GREB1L: variants seen among roughly 807,000 people sequenced by gnomAD.
GREB1L encodes GREB1-like protein.
Under a neutral mutation model 200.8 loss-of-function variants are expected in GREB1L, and 17 were observed. That is an observed-to-expected ratio of 0.08 (90% CI 0.06 to 0.13). The LOEUF is 0.13. Among genes scored for constraint, GREB1L ranks in the 10% least tolerant of loss-of-function variants. The probability of loss-of-function intolerance (pLI) is 1.00; values close to 1 mark genes in which losing one functional copy is unlikely to be tolerated. For missense variants in GREB1L, 1,657 were observed against 2,367.7 expected (o/e 0.70, Z 6.23); for synonymous variants, 789 against 893.0 (o/e 0.88, Z 2.08).
intron 1 of GREB1L, among the ~76,000 whole-genome samples, chr18:21,334,610 C>T (rs2039156883): frequency 6.6e-6 from 1 of 151,882 alleles, no homozygotes; most frequent in South Asian, 2.1e-4. Flanking sequence ...CTAAAACAAA[C>T]AACAACAAAA....
At chr18:21,270,757 G>A (rs1398380256) in intron 1 of GREB1L, among the ~76,000 whole-genome samples, 1 of 152,192 alleles carries the variant, frequency 6.6e-6, no homozygotes, top group Non-Finnish European at 1.5e-5. Flanking sequence ...CGCATAGTCA[G>A]CAAGGACTTT....
At chr18:21,488,220 C>T (rs1480161806) in intron 18 of GREB1L, among the ~76,000 whole-genome samples, 8 of 151,922 alleles carry the variant, frequency 5.3e-5, no homozygotes, top group African/African-American at 1.5e-4. Flanking sequence ...TGCTTGAACC[C>T]GGGAAGCGAA....
At chr18:21,424,713 TA>T (rs1407750079) in intron 7 of GREB1L, among the ~76,000 whole-genome samples, 1 of 152,232 alleles carries the variant, frequency 6.6e-6, no homozygotes, top group East Asian at 1.9e-4. Flanking sequence ...TCAGTGTTTT[TA>T]AGTATTATAT....
chr18:21,287,828 C>T (rs1310147461), intron 1 of GREB1L, among the ~76,000 whole-genome samples: 5 of 143,440 alleles, frequency 3.5e-5, no homozygotes, highest in African/African-American at 1.3e-4. Context: ...GAGTCTCGCT[C>T]TTGTTGCCCA....
intron 7 of GREB1L, among the ~76,000 whole-genome samples, chr18:21,418,745 G>A (rs565365927): frequency 2.0e-5 from 3 of 152,144 alleles, no homozygotes; most frequent in African/African-American, 4.8e-5. Flanking sequence ...GGCTGGTTTC[G>A]AGCTCCTGGC....
intron 1 of GREB1L, among the ~76,000 whole-genome samples, chr18:21,307,517 T>A (rs1172119058): frequency 6.6e-6 from 1 of 152,312 alleles, no homozygotes; most frequent in South Asian, 2.1e-4. Flanking sequence ...TTCTTTCTCA[T>A]TGGATTATGG....
chr18:21,305,851 A>T (rs1461222150), intron 1 of GREB1L, among the ~76,000 whole-genome samples: 1 of 152,026 alleles, frequency 6.6e-6, no homozygotes, highest in Non-Finnish European at 1.5e-5. Flanking sequence ...GCTCATTCCC[A>T]GCTAGGGGCT....
At chr18:21,455,718 T>C (rs1036168603) in intron 15 of GREB1L, among the ~76,000 whole-genome samples, 1 of 151,274 alleles carries the variant, frequency 6.6e-6, no homozygotes, top group African/African-American at 2.4e-5. Context: ...ACTTTCAATA[T>C]ATTTAAAAAC....
intron 16 of GREB1L, among the ~76,000 whole-genome samples, chr18:21,476,100 C>T (rs1006934): frequency 1.3e-5 from 2 of 149,126 alleles, no homozygotes; most frequent in African/African-American, 4.9e-5. Flanking sequence ...CAGCAGGGGT[C>T]GGGGGTGGCA....
In GREB1L at chr18:21,249,141, CTTTT is replaced by C. The variant is rs200780006; in HGVS notation, c.-120+6756_-120+6759del. ...CGTGAAACTATTTCTATTGTAGAAT[CTTTT>C]TTTTTTTATTTAGGTAGATAACTTA... On this transcript the variant is annotated intron_variant, in intron 1 of 32. Coordinates refer to ENST00000424526, the MANE Select transcript of GREB1L (RefSeq NM_001142966.3). Among the ~76,000 whole-genome samples the C allele has an allele frequency of 8.8e-3, 1,288 of 147,082 alleles. 10 individuals carry two copies. The highest frequency in any genetic ancestry group is 0.015 in the South Asian group (68 of 4,672).
chr18:21,508,377 C>A lies in GREB1L; in HGVS notation c.4531-10C>A. On this transcript the variant is annotated splice_polypyrimidine_tract_variant and intron_variant, in intron 26 of 32. Coordinates refer to ENST00000424526, the MANE Select transcript of GREB1L (RefSeq NM_001142966.3). Reference sequence around the variant, plus strand: ...TTCCCTTTATGGTCTGTTTTTTTCCCTTTCAGCAGAATTTGAATGCAGTCA... The same window carrying A: ...TTCCCTTTATGGTCTGTTTTTTTCCATTTCAGCAGAATTTGAATGCAGTCA... The A allele has an allele frequency of 6.4e-7, 1 of 1,550,756 alleles. No individual in the cohort carries two copies. Among genetic ancestry groups the A allele is most frequent in the Middle Eastern group, 1.7e-4 (1 of 5,992 alleles).
At chr18:21,486,809 C>T (rs8095192) in intron 18 of GREB1L, among the ~76,000 whole-genome samples, 6,313 of 152,154 alleles carry the variant, frequency 0.041, 440 homozygotes, top group African/African-American at 0.14. Context: ...AATGTTGGGG[C>T]GATTGGGCTT....
intron 2 of GREB1L, among the ~76,000 whole-genome samples, chr18:21,375,518 G>C (rs2040037163): frequency 6.6e-6 from 1 of 152,160 alleles, no homozygotes. Context: ...GGCCACATCA[G>C]CAAACAAACA....
chr18:21,294,002 G>C (rs1394172919), intron 1 of GREB1L, among the ~76,000 whole-genome samples: 4 of 152,016 alleles, frequency 2.6e-5, no homozygotes, highest in Non-Finnish European at 4.4e-5. Flanking sequence ...GGCTGGTCTT[G>C]AACTCCTGGC....
At chr18:21,491,467 T>C (rs2036330357) in intron 19 of GREB1L, among the ~76,000 whole-genome samples, 1 of 152,118 alleles carries the variant, frequency 6.6e-6, no homozygotes, top group Non-Finnish European at 1.5e-5. Flanking sequence ...CCCAGCACTT[T>C]GGGAGGCTGA....
At chr18:21,480,911 T>G (rs1032770181) in intron 17 of GREB1L, among the ~76,000 whole-genome samples, 58 of 151,772 alleles carry the variant, frequency 3.8e-4, no homozygotes, top group African/African-American at 1.4e-3. Context: ...TCCCAGCTAC[T>G]CAGAAGGCTG....
At chr18:21,303,700 AAAG>A (rs2038655064) in intron 1 of GREB1L, among the ~76,000 whole-genome samples, 1 of 152,240 alleles carries the variant, frequency 6.6e-6, no homozygotes, top group African/African-American at 2.4e-5. Context: ...ACCTTACTGT[AAAG>A]AAGTCAGCCC....
intron 16 of GREB1L, among the ~76,000 whole-genome samples, chr18:21,475,512 C>T (rs1271228712): frequency 6.6e-6 from 1 of 152,066 alleles, no homozygotes; most frequent in African/African-American, 2.4e-5. Context: ...ACGCCCGCCA[C>T]ACGTCTGGCT....
Position 21,452,118 on chromosome 18 carries a change from C to G in GREB1L, c.1885C>G (p.Gln629Glu), listed in dbSNP as rs2034556096. 1 of 1,552,104 alleles carries G rather than the reference C, an allele frequency of 6.4e-7. No individual in the cohort carries two copies. Among genetic ancestry groups the G allele is most frequent in the Non-Finnish European group, 8.7e-7 (1 of 1,146,982 alleles). The change falls in exon 14 of 33, where the codon CAA becomes GAA. Residue 629 changes from glutamine to glutamate, a missense_variant. Around this residue, in one of 9 missense-constraint regions of GREB1L, gnomAD observed 239 missense variants for 421.8 expected, o/e 0.57. Coordinates refer to ENST00000424526, the MANE Select transcript of GREB1L (RefSeq NM_001142966.3). The stretch of plus-strand genomic sequence containing the variant: ...AGACAAGCTGCTGGAAAAAATGCAA[C>G]AAAGAAGAGGAGACAGTGTGGTTAC... The part of the protein sequence containing the change: ...DLDKLLEKMQ[Q>E]RRGDSVVTPF...
Sources: allele counts gnomAD v4.1 joint callset (sites outside exome capture counted in the v4.1 genomes callset), GRCh38; gene constraint gnomAD v4.1.1; regional missense constraint gnomAD v4.1.1; transcripts MANE v1.5; gene names NCBI Gene and HGNC (gene_info 2026-07-23, HGNC 2026-07-21).